Variants in DNAH2 observed in about 807,000 individuals in gnomAD.
DNAH2 encodes dynein axonemal heavy chain 2.
In DNAH2, 323 loss-of-function variants were observed where a neutral mutation model predicts 523.5. The observed-to-expected ratio is 0.62, with a 90% CI of 0.56 to 0.68. The LOEUF is 0.68. DNAH2 is among the 30% of genes least tolerant of loss of function. The pLI is 0.00. For synonymous variants in DNAH2, 2,093 were observed against 2,177.4 expected, an observed-to-expected ratio of 0.96 and a Z score of 1.08; for missense variants, 4,907 against 5,701.5, an observed-to-expected ratio of 0.86 and a Z score of 4.49.
rs566442988 is a variant in DNAH2, at chr17:7,791,902, T to C, written c.6901-15T>C. The C allele has an allele frequency of 1.2e-6, 2 of 1,611,192 alleles. No individual in the cohort carries two copies. Among genetic ancestry groups the C allele is most frequent in the Admixed American group, 1.7e-5 (1 of 59,398 alleles). ...CTTACAGGTGGGTTATTTCCTCTTC[T>C]CGTTCTCCATCCAGGTGAACCCAGC... On this transcript the variant is annotated splice_polypyrimidine_tract_variant and intron_variant, in intron 44 of 85. Coordinates refer to ENST00000572933, the MANE Select transcript of DNAH2 (RefSeq NM_020877.5).
intron 12 of DNAH2, among the ~76,000 whole-genome samples, chr17:7,749,846 A>AG (rs1266271001): frequency 2.0e-5 from 3 of 151,898 alleles, no homozygotes; most frequent in African/African-American, 7.3e-5. Flanking sequence ...AATACAAAAA[A>AG]TAGCTGGGCA....
chr17:7,735,221 C>G (rs1160651145), intron 7 of DNAH2, among the ~76,000 whole-genome samples: 4 of 152,000 alleles, frequency 2.6e-5, no homozygotes, highest in African/African-American at 9.7e-5. Context: ...ACCTCTGCCT[C>G]CCAGGTTCAA....
At position 7,805,070 on chromosome 17, in the gene DNAH2, T is replaced by C. The variant is rs759569523; in HGVS notation, c.9296T>C (p.Met3099Thr). Residue 3099 changes from methionine (M) to threonine (T), a missense_variant, in exon 60 of 86, where the codon ATG becomes ACG. Coordinates refer to ENST00000572933, the MANE Select transcript of DNAH2 (RefSeq NM_020877.5). Reference sequence around the variant, plus strand: ...GCACTGCCCGCCCTGGAAGAGGCCATGCGGGTACCAGGGGCGGGTGCAAGG... The same window carrying C: ...GCACTGCCCGCCCTGGAAGAGGCCACGCGGGTACCAGGGGCGGGTGCAAGG... ...EEALPALEEA[M>T]RALESLNKKD... is the part of the protein sequence containing the mutation. 2 of 1,613,516 alleles carry C rather than the reference T, an allele frequency of 1.2e-6. No individual in the cohort carries two copies. The highest frequency in any genetic ancestry group is 1.1e-5 in the South Asian group (1 of 91,046).
At chr17:7,811,755 C>T (rs1188124041) in intron 63 of DNAH2, among the ~76,000 whole-genome samples, 1 of 152,178 alleles carries the variant, frequency 6.6e-6, no homozygotes, top group Non-Finnish European at 1.5e-5. Context: ...CCCCACCTCC[C>T]AACACCACTC....
rs571869447 is a variant in DNAH2, at chr17:7,826,506, G to T, written c.11853+1779G>T. Among the ~76,000 whole-genome samples, 169 of 146,862 alleles carry T rather than the reference G, an allele frequency of 1.2e-3. 1 individual carries two copies. Among genetic ancestry groups the T allele is most frequent in the African/African-American group, 4.1e-3 (164 of 39,770 alleles). On this transcript the variant is annotated intron_variant, in intron 77 of 85. Coordinates refer to ENST00000572933, the MANE Select transcript of DNAH2 (RefSeq NM_020877.5). ...ATATATGCAAGTTATAAAGGATCAT[G>T]ATTCCTTGAATATCTGTGTGCCCAT...
In DNAH2 at chr17:7,807,105, A is replaced by G. The variant is rs774460329; in HGVS notation, c.9443-45A>G. On this transcript the variant is annotated intron_variant, in intron 61 of 85. Coordinates refer to ENST00000572933, the MANE Select transcript of DNAH2 (RefSeq NM_020877.5). This position sits in a 1 kb window ranked among gnomAD's most constrained non-coding sequence, Gnocchi z 5.6. ...GAGGTGAAACTGCTGGACAAGGAGG[A>G]TGGCATTAAGCCTCTGGCTAAGGCC... 1.5e-5 allele frequency: 23 copies of G among 1,579,072 alleles called. No homozygotes were observed. Among genetic ancestry groups the G allele is most frequent in the Non-Finnish European group, 1.9e-5 (22 of 1,167,382 alleles).
At chr17:7,818,857 G>A in intron 70 of DNAH2, 62 bp from the exon 71 acceptor site, 4 of 1,607,344 alleles carry the variant, frequency 2.5e-6, no homozygotes, top group Non-Finnish European at 2.6e-6. Flanking sequence ...AGGCACAACA[G>A]CATCCCAGGG....
rs1413954608 is a variant in DNAH2, at chr17:7,807,353, G to A, written c.9612+34G>A. On this transcript the variant is annotated intron_variant, in intron 62 of 85. Transcript: ENST00000572933. This position sits in a 1 kb window ranked among gnomAD's most constrained non-coding sequence, Gnocchi z 5.6. ...GTCAGGGCTGGGGCGGGGCGGTAGG[G>A]AGGGCAGGCCTGGGGGAGTGCGGAT... 1.2e-6 allele frequency: 2 copies of A among 1,605,452 alleles called. No homozygotes were observed. Among genetic ancestry groups the A allele is most frequent in the Middle Eastern group, 1.8e-4 (1 of 5,566 alleles).
chr17:7,800,873 A>C (rs1278859621), intron 56 of DNAH2, among the ~76,000 whole-genome samples: 2 of 149,498 alleles, frequency 1.3e-5, no homozygotes, highest in African/African-American at 4.9e-5. Context: ...TCTCAAAAAA[A>C]AAAAAAAATT....
chr17:7,831,253 T>C lies in DNAH2; in HGVS notation c.12398T>C (p.Leu4133Ser). 9 of 1,614,156 alleles carry C rather than the reference T, an allele frequency of 5.6e-6. No individual in the cohort carries two copies. Among genetic ancestry groups the C allele is most frequent in the Non-Finnish European group, 7.6e-6 (9 of 1,180,030 alleles). Residue 4133 changes from leucine (L) to serine (S), a missense_variant, in exon 80 of 86, where the codon TTG (leucine) becomes TCG (serine). Leu to Ser is a moderately radical substitution (Grantham distance 145, BLOSUM62 -2). Coordinates refer to ENST00000572933, the MANE Select transcript of DNAH2 (RefSeq NM_020877.5). This position sits in a 1 kb window ranked among gnomAD's most constrained non-coding sequence, Gnocchi z 4.2. ...ITEAQTLFDT[L>S]LSLQPQITPT... Reference sequence around the variant, plus strand: ...GAGGCACAAACCCTCTTTGATACTTTGCTTTCCTTGCAACCTCAGATTACA... The same window carrying C: ...GAGGCACAAACCCTCTTTGATACTTCGCTTTCCTTGCAACCTCAGATTACA...
intron 49 of DNAH2, 101 bp downstream of exon 49, chr17:7,794,459 C>A: frequency 9.7e-7 from 1 of 1,028,798 alleles, no homozygotes; most frequent in Non-Finnish European, 1.4e-6. Flanking sequence ...TGCGGCACCC[C>A]AAGTGGAGCT....
At position 7,823,422 on chromosome 17, in the gene DNAH2, T is replaced by C. The variant is rs1348122502; in HGVS notation, c.11143-20T>C. 3 of 1,610,840 alleles carry C rather than the reference T, an allele frequency of 1.9e-6. No individual in the cohort carries two copies. Among genetic ancestry groups the C allele is most frequent in the Non-Finnish European group, 2.5e-6 (3 of 1,178,786 alleles). On this transcript the variant is annotated intron_variant, in intron 73 of 85. Coordinates refer to ENST00000572933, the MANE Select transcript of DNAH2 (RefSeq NM_020877.5). ...AGTATTCCCAAGTCAATCCCTTTCT[T>C]CCTCCCCTTCTCCCACCAGGTCTTG...
intron 73 of DNAH2, among the ~76,000 whole-genome samples, chr17:7,822,109 T>C (rs1173187778): frequency 6.6e-6 from 1 of 152,196 alleles, no homozygotes; most frequent in East Asian, 1.9e-4. Flanking sequence ...TAGCTGGGAC[T>C]ACAGGCCTGC....
chr17:7,823,421 T>C (rs200230208), intron 73 of DNAH2, 21 bp from the exon 74 acceptor site: 18 of 1,612,270 alleles, frequency 1.1e-5, no homozygotes, highest in Middle Eastern at 1.7e-4. Context: ...AATCCCTTTC[T>C]TCCTCCCCTT....
At chr17:7,773,387 C>A (rs1567675360) in intron 28 of DNAH2, among the ~76,000 whole-genome samples, 1 of 152,108 alleles carries the variant, frequency 6.6e-6, no homozygotes, top group Non-Finnish European at 1.5e-5. Flanking sequence ...GTTCTTCCTC[C>A]AGCCCTTCTT....
Position 7,764,151 on chromosome 17 carries a change from G to T in DNAH2, c.3214G>T (p.Gly1072Trp). 1 of 1,614,194 alleles carries T rather than the reference G, an allele frequency of 6.2e-7. No individual in the cohort carries two copies. The highest frequency in any genetic ancestry group is 8.5e-7 in the Non-Finnish European group (1 of 1,180,040). ...CCCTCCGCAGACACTGGAGGAACTG[G>T]GGGTCAGCTTGCAGCTCGTGGATGC... ...SRPPQTLEEL[G>W]VSLQLVDALK... Residue 1072 changes from glycine (G) to tryptophan (W), a missense_variant, in exon 20 of 86, where the codon GGG becomes TGG. Physicochemically the swap from Gly to Trp is radical, Grantham distance 184. This residue lies in a region of DNAH2 where 2,806 missense variants were observed against 3,190.8 expected (regional missense o/e 0.88). Transcript: ENST00000572933.
Position 7,833,552 on chromosome 17 carries a change from G to T in DNAH2, c.*19G>T, listed in dbSNP as rs1280542421. 1.9e-6 allele frequency: 3 copies of T among 1,611,754 alleles called. No individual in the cohort carries two copies. The highest frequency in any genetic ancestry group is 4.5e-5 in the East Asian group (2 of 44,876). ...CAGCTGAGACCTCCTCCTCTTCTCC[G>T]CTTGAGAGAGAGGGTCAGGGACTCC... On this transcript the variant is annotated 3_prime_UTR_variant, in exon 86 of 86. Coordinates refer to ENST00000572933, the MANE Select transcript of DNAH2 (RefSeq NM_020877.5).
rs1326801069 is a variant in DNAH2, at chr17:7,770,325, A to G, written c.4015A>G (p.Ile1339Val). 2 of 1,614,048 alleles carry G rather than the reference A, an allele frequency of 1.2e-6. No individual in the cohort carries two copies. The highest frequency in any genetic ancestry group is 1.7e-6 in the Non-Finnish European group (2 of 1,179,986). ...ATCTGAAAGCTTCACCTTGGAGCAG[A>G]TTGTGGAGCTTGGGATGGATCAGCA... ...QESESFTLEQ[I>V]VELGMDQHVE... Residue 1339 changes from isoleucine to valine, a missense_variant, in exon 25 of 86, where the codon ATT (isoleucine) becomes GTT (valine). Ile to Val is a conservative substitution (Grantham distance 29). Transcript: ENST00000572933.
Position 7,818,904 on chromosome 17 carries a change from T to G in DNAH2, c.10671-15T>G. On this transcript the variant is annotated splice_polypyrimidine_tract_variant and intron_variant, in intron 70 of 85. Coordinates refer to ENST00000572933, the MANE Select transcript of DNAH2 (RefSeq NM_020877.5). The stretch of plus-strand genomic sequence containing the variant: ...GCTAACCCCTTGCTCCATGTGCCTC[T>G]GGGCCTCCCCCTAGGCTGCTGAATG... The G allele has an allele frequency of 6.2e-7, 1 of 1,610,116 alleles. No homozygotes were observed. Among genetic ancestry groups the G allele is most frequent in the Non-Finnish European group, 8.5e-7 (1 of 1,177,744 alleles).
Sources: gnomAD v4.1 joint callset for allele counts (sites outside exome capture counted in the v4.1 genomes callset) on GRCh38, gnomAD v4.1.1 for gene constraint, gnomAD v4.1.1 regional missense constraint, Gnocchi (gnomAD v3.1) non-coding constraint, MANE v1.5 for transcripts, NCBI Gene and HGNC (gene_info 2026-07-23, HGNC 2026-07-21) for gene names.